The following TMEM74 variants were observed in gnomAD, a reference collection of about 807,000 sequenced individuals.
The protein encoded by TMEM74 is transmembrane protein 74.
A neutral mutation model predicts 18.1 loss-of-function variants in TMEM74; 13 were observed. That is an observed-to-expected ratio of 0.72 (90% CI 0.47 to 1.14). The LOEUF (loss-of-function observed/expected upper bound fraction) is 1.14. TMEM74 is among the 50% of genes most tolerant of loss of function. TMEM74 has a pLI of 0.00. For missense variants in TMEM74, 372 were observed against 375.9 expected (o/e 0.99, Z 0.09); for synonymous variants, 159 against 146.6 (o/e 1.08, Z -0.61).
At chr8:108,737,837 A>G (rs561662063) in intron 1 of TMEM74, among the ~76,000 whole-genome samples, 2 of 152,236 alleles carry the variant, frequency 1.3e-5, no homozygotes, top group Non-Finnish European at 2.9e-5. Context: ...TCAGTTCTCA[A>G]TTCCCTGTAA....
chr8:108,624,601 A>G (rs532492133), intron 2 of TMEM74, among the ~76,000 whole-genome samples: 20 of 152,202 alleles, frequency 1.3e-4, no homozygotes, highest in African/African-American at 4.6e-4. Flanking sequence ...TAGTCTCTTC[A>G]GCTAAATTTT....
rs924174616 is a variant in TMEM74, at chr8:108,698,895, A to G, written n.120-43458T>C. Among the ~76,000 whole-genome samples the G allele has an allele frequency of 2.0e-5, 3 of 152,094 alleles. No homozygotes were observed. The East Asian group carries it at 5.8e-4, about 29-fold the overall frequency. On this transcript the variant is annotated intron_variant and non_coding_transcript_variant, in intron 1 of 3. Transcript: ENST00000518838. ...AAGTAGCCTCATTCTATAAATCCCT[A>G]TTCATGGAAAACAATCTTGGCTTGG... is the stretch of plus-strand genomic sequence containing the variant.
chr8:108,648,317 G>A (rs1306461082), intron 2 of TMEM74, among the ~76,000 whole-genome samples: 1 of 152,068 alleles, frequency 6.6e-6, no homozygotes, highest in Non-Finnish European at 1.5e-5. Context: ...TTATGAGCAT[G>A]AGCAAGCCTG....
chr8:108,747,385 A>T (rs1187250196), intron 1 of TMEM74, among the ~76,000 whole-genome samples: 1 of 152,124 alleles, frequency 6.6e-6, no homozygotes, highest in African/African-American at 2.4e-5. Context: ...AAAAAAGCAG[A>T]TAAACTAGAT....
At chr8:108,714,480 C>A (rs1277407826) in intron 1 of TMEM74, among the ~76,000 whole-genome samples, 1 of 152,098 alleles carries the variant, frequency 6.6e-6, no homozygotes, top group African/African-American at 2.4e-5. Flanking sequence ...AAAAATTCTT[C>A]AAGTGACAAG....
intron 2 of TMEM74, among the ~76,000 whole-genome samples, chr8:108,638,889 T>C (rs1278952961): frequency 6.6e-6 from 1 of 152,170 alleles, no homozygotes. Context: ...GGCGTGACCA[T>C]GTGACTTGCA....
chr8:108,777,458 CTG>C (rs1814246319), downstream of TMEM74, among the ~76,000 whole-genome samples: 1 of 152,112 alleles, frequency 6.6e-6, no homozygotes. Flanking sequence ...AGTAGGATGG[CTG>C]TGAGTTGATA....
chr8:108,747,236 C>CTGTGTGTG (rs111291163), intron 1 of TMEM74, among the ~76,000 whole-genome samples: 11 of 150,882 alleles, frequency 7.3e-5, no homozygotes, highest in African/African-American at 2.7e-4. Context: ...GGGAATTGGC[C>CTGTGTGTG]TGTGTGTGTG....
chr8:108,732,346 C>T (rs1015290085), intron 1 of TMEM74, among the ~76,000 whole-genome samples: 5 of 152,096 alleles, frequency 3.3e-5, no homozygotes, highest in Non-Finnish European at 2.9e-5. Flanking sequence ...TGTGTGTGTA[C>T]ACATGTTCAA....
intron 1 of TMEM74, among the ~76,000 whole-genome samples, chr8:108,686,797 C>G (rs1813175007): frequency 6.6e-6 from 1 of 152,192 alleles, no homozygotes; most frequent in South Asian, 2.1e-4. Flanking sequence ...CAGTACAAAG[C>G]TCATGCTGCA....
intron 3 of TMEM74, among the ~76,000 whole-genome samples, chr8:108,608,042 A>T (rs1476733871): frequency 2.0e-5 from 3 of 151,966 alleles, no homozygotes; most frequent in Non-Finnish European, 4.4e-5. Context: ...AGTGGCTCAC[A>T]CCTGTAATCC....
chr8:108,673,205 A>G (rs1020245732), intron 1 of TMEM74, among the ~76,000 whole-genome samples: 3 of 152,198 alleles, frequency 2.0e-5, no homozygotes, highest in Non-Finnish European at 4.4e-5. Flanking sequence ...TAAAAATCCT[A>G]TGAGCTGTCT....
chr8:108,775,857 C>T (rs981370709), downstream of TMEM74, among the ~76,000 whole-genome samples: 3 of 152,200 alleles, frequency 2.0e-5, no homozygotes, highest in Non-Finnish European at 4.4e-5. Flanking sequence ...ACCCTGGTTT[C>T]CCTCCTATGG....
chr8:108,607,923 C>CTGTGTG (rs1378882166), intron 3 of TMEM74, among the ~76,000 whole-genome samples: 1 of 151,904 alleles, frequency 6.6e-6, no homozygotes, highest in African/African-American at 2.4e-5. Flanking sequence ...GATTACAATC[C>CTGTGTG]TGTGTGTATG....
intron 2 of TMEM74, among the ~76,000 whole-genome samples, chr8:108,614,655 T>C (rs1050639350): frequency 2.0e-5 from 3 of 152,176 alleles, no homozygotes; most frequent in Non-Finnish European, 4.4e-5. Context: ...GTTGTGTAGC[T>C]GTGGGGGGTT....
chr8:108,761,820 A>G (rs908029669), intron 1 of TMEM74, among the ~76,000 whole-genome samples: 2 of 152,186 alleles, frequency 1.3e-5, no homozygotes, highest in South Asian at 2.1e-4. Flanking sequence ...TCAAGGGTTT[A>G]TTACAAAAAA....
chr8:108,772,203 G>T (rs1814181208), intron 1 of TMEM74, among the ~76,000 whole-genome samples: 1 of 152,024 alleles, frequency 6.6e-6, no homozygotes, highest in African/African-American at 2.4e-5. Context: ...TTTTCCTTTG[G>T]GTCATGTTTT....
intron 1 of TMEM74, among the ~76,000 whole-genome samples, chr8:108,700,110 A>G (rs976237571): frequency 2.0e-5 from 3 of 149,344 alleles, no homozygotes; most frequent in Non-Finnish European, 4.4e-5. Context: ...GAAATGGATA[A>G]ACTGCTCTAG....
intron 1 of TMEM74, among the ~76,000 whole-genome samples, chr8:108,665,023 T>A (rs77901450): frequency 0.012 from 1,874 of 152,206 alleles, 20 homozygotes; most frequent in Non-Finnish European, 0.02. Flanking sequence ...GCTTTTTTTT[T>A]TGATAAACTA....
Sources: allele counts gnomAD v4.1 joint callset (sites outside exome capture counted in the v4.1 genomes callset), GRCh38; gene constraint gnomAD v4.1.1; transcripts MANE v1.5; gene names NCBI Gene and HGNC (gene_info 2026-07-23, HGNC 2026-07-21).